Variants in BSDC1 observed in about 807,000 individuals in gnomAD.
BSDC1 encodes the protein BSD domain-containing protein 1.
A neutral mutation model predicts 56.0 loss-of-function variants in BSDC1; 29 were observed. That is an observed-to-expected ratio of 0.52 (90% CI 0.39 to 0.71). The LOEUF (loss-of-function observed/expected upper bound fraction) is 0.71. BSDC1 is among the 30% of genes least tolerant of loss of function. The pLI is 0.00. For synonymous variants in BSDC1, 210 were observed against 215.3 expected (o/e 0.98, Z 0.21); for missense variants, 477 against 548.5 (o/e 0.87, Z 1.30).
rs1642275832 is a variant in BSDC1, at chr1:32,376,247, G to C, written c.1156+15C>G. ...GACCGCACACAACCCTCTGGGCTTG[G>C]ACCTCCAGACCTACCTTTCTTTCCA... On this transcript the variant is annotated intron_variant, in intron 9 of 10. Transcript: ENST00000455895. 1 of 1,465,918 alleles carries C rather than the reference G, an allele frequency of 6.8e-7. No individual in the cohort carries two copies. The allele number at this position is 1,465,918 out of a possible 1,614,324, so 90.8% of individuals were successfully genotyped here. A position where few individuals can be genotyped will look rare whatever the true frequency, so the allele number is the denominator to read the frequency against.
intron 2 of BSDC1, among the ~76,000 whole-genome samples, chr1:32,388,098 C>T (rs554431897): frequency 6.6e-6 from 1 of 152,226 alleles, no homozygotes; most frequent in Non-Finnish European, 1.5e-5. Context: ...CTCTAGGATG[C>T]TTCCTGGAGT....
intron 4 of BSDC1, among the ~76,000 whole-genome samples, chr1:32,381,656 C>T (rs145465377): frequency 2.0e-4 from 30 of 152,298 alleles, no homozygotes; most frequent in South Asian, 8.3e-4. Context: ...ATTAAAACCA[C>T]TCAAGAATTT....
At chr1:32,368,369 C>T in intron 10 of BSDC1, 78 bp downstream of exon 10, 1 of 1,614,152 alleles carries the variant, frequency 6.2e-7, no homozygotes, top group Non-Finnish European at 8.5e-7. Flanking sequence ...CCTGAGGGGA[C>T]AGCTGGGCTG....
rs746534562 is a variant in BSDC1, at chr1:32,366,645, C to T, written c.1270G>A (p.Val424Ile). ...CCTCACTCCCAGTCCTCCCACTCTACATCTTCCAGCTGCAAATGGGAGGGG... is the reference window on the plus strand; with the variant it reads ...CCTCACTCCCAGTCCTCCCACTCTATATCTTCCAGCTGCAAATGGGAGGGG... ...KVDASGELED[V>I]EWEDWE The change falls in exon 11 of 11, where the codon GTA becomes ATA. Residue 424 changes from valine (V) to isoleucine (I), a missense_variant. Physicochemically the swap from Val to Ile is conservative, Grantham distance 29. Coordinates refer to ENST00000455895, the MANE Select transcript of BSDC1 (RefSeq NM_018045.8). 167 of 1,469,710 alleles carry T rather than the reference C, an allele frequency of 1.1e-4. No individual in the cohort carries two copies. The highest frequency in any genetic ancestry group is 1.4e-4 in the Non-Finnish European group (155 of 1,107,210). 91.0% of individuals were successfully genotyped at this position (1,469,710 alleles called of 1,614,324 possible).
intron 9 of BSDC1, among the ~76,000 whole-genome samples, chr1:32,370,258 G>A (rs1450844746): frequency 2.0e-5 from 3 of 152,176 alleles, no homozygotes; most frequent in Non-Finnish European, 4.4e-5. Context: ...GATTATAGGC[G>A]TGAGCCACTG....
In BSDC1 at chr1:32,394,309, C is replaced by A. The variant is rs530299495; in HGVS notation, c.11+95G>T. 20 of 1,597,436 alleles carry A rather than the reference C, an allele frequency of 1.3e-5. No individual in the cohort carries two copies. The East Asian group carries it at 4.2e-4, about 34-fold the overall frequency. On this transcript the variant is annotated intron_variant, in intron 1 of 10. Coordinates refer to ENST00000455895, the MANE Select transcript of BSDC1 (RefSeq NM_018045.8). ...GCCCTTTCAGATCAGTCCACGCCCC[C>A]GCTGATCTCACGTTCCCCACCGGGA...
chr1:32,370,894 C>T (rs563374589), intron 9 of BSDC1, among the ~76,000 whole-genome samples: 7 of 150,410 alleles, frequency 4.7e-5, no homozygotes, highest in African/African-American at 7.3e-5. Flanking sequence ...GCTGCAAGAG[C>T]GGAGATGAGT....
In BSDC1 at chr1:32,376,605, T is replaced by C; in HGVS notation, c.813A>G (p.Pro271=). 6.7e-7 allele frequency: 1 copy of C among 1,483,876 alleles called. No homozygotes were observed. Among genetic ancestry groups the C allele is most frequent in the Non-Finnish European group, 9.0e-7 (1 of 1,105,936 alleles). The allele number at this position is 1,483,876 out of a possible 1,614,324, so 91.9% of individuals were successfully genotyped here. ...EENLVTSVEP[P]AEVTPSESSE... ...TGCTCTCTGATGGAGTCACCTCTGC[T>C]GGGGGCTCAACTGAAGTCACCAGAT... Residue 271 remains proline, a synonymous_variant, in exon 9 of 11, where the codon CCA becomes CCG. Transcript: ENST00000455895.
intron 2 of BSDC1, among the ~76,000 whole-genome samples, chr1:32,388,352 C>T (rs928798159): frequency 2.6e-5 from 4 of 152,260 alleles, no homozygotes; most frequent in South Asian, 2.1e-4. Flanking sequence ...AGGTCATTTA[C>T]TTATTTACTT....
In BSDC1 at chr1:32,376,713, A is replaced by G; in HGVS notation, c.705T>C (p.Ser235=). The change falls in exon 9 of 11, where the codon TCT becomes TCC. Residue 235 remains serine (S), a synonymous_variant. Coordinates refer to ENST00000455895, the MANE Select transcript of BSDC1 (RefSeq NM_018045.8). ...EEELMGISPI[S]PKEAKVPVAK... ...CCACAGGAACCTTTGCCTCTTTTGG[A>G]GATATGGGTGAAATGCCCATGAGCT... 1 of 1,418,758 alleles carries G rather than the reference A, an allele frequency of 7.0e-7. No individual in the cohort carries two copies. Among genetic ancestry groups the G allele is most frequent in the Non-Finnish European group, 9.3e-7 (1 of 1,075,194 alleles). 87.9% of individuals were successfully genotyped at this position (1,418,758 alleles called of 1,614,324 possible).
At chr1:32,381,895 T>C (rs923410894) in intron 4 of BSDC1, among the ~76,000 whole-genome samples, 2 of 152,210 alleles carry the variant, frequency 1.3e-5, no homozygotes, top group Admixed American at 1.3e-4. Flanking sequence ...ATGCTAGTGC[T>C]AAAACACATA....
At chr1:32,371,973 C>G (rs997433425) in intron 9 of BSDC1, among the ~76,000 whole-genome samples, 29 of 152,256 alleles carry the variant, frequency 1.9e-4, no homozygotes, top group Non-Finnish European at 2.5e-4. Context: ...TGCCCACCCC[C>G]AGTCCCAACT....
chr1:32,386,960 G>A (rs1642694284), intron 2 of BSDC1, 65 bp from the exon 3 acceptor site: 3 of 1,302,766 alleles, frequency 2.3e-6, no homozygotes, highest in Non-Finnish European at 3.3e-6. Context: ...CCTGTTCCCT[G>A]TGTTTCTTCA....
chr1:32,370,397 CTTTTG>C (rs1399919559), intron 9 of BSDC1, among the ~76,000 whole-genome samples: 1 of 152,106 alleles, frequency 6.6e-6, no homozygotes, highest in African/African-American at 2.4e-5. Flanking sequence ...GTGCCAGGAT[CTTTTG>C]TTTTGTTCTC....
chr1:32,367,723 C>T, intron 10 of BSDC1: 5 of 971,976 alleles, frequency 5.1e-6, no homozygotes, highest in Non-Finnish European at 6.1e-6. Flanking sequence ...ACTAAGGCCT[C>T]CTTGAGCTTA....
At chr1:32,374,026 C>A (rs1252836360) in intron 9 of BSDC1, among the ~76,000 whole-genome samples, 1 of 152,174 alleles carries the variant, frequency 6.6e-6, no homozygotes, top group African/African-American at 2.4e-5. Flanking sequence ...TTACACCTGT[C>A]AGGCCCACCA....
chr1:32,394,256 C>G (rs1454770215), intron 1 of BSDC1, 116 bp from the exon 2 acceptor site: 1 of 1,553,360 alleles, frequency 6.4e-7, no homozygotes, highest in African/African-American at 1.4e-5. Context: ...GACCGCTTGC[C>G]CACCCCCTCA....
chr1:32,378,059 G>A lies in BSDC1; in HGVS notation c.598-11C>T. 1 of 1,604,652 alleles carries A rather than the reference G, an allele frequency of 6.2e-7. No homozygotes were observed. Among genetic ancestry groups the A allele is most frequent in the Non-Finnish European group, 8.5e-7 (1 of 1,174,660 alleles). On this transcript the variant is annotated splice_polypyrimidine_tract_variant and intron_variant, in intron 7 of 10. Coordinates refer to ENST00000455895, the MANE Select transcript of BSDC1 (RefSeq NM_018045.8). The surrounding 1 kb of genome is among the most constrained non-coding windows in gnomAD (Gnocchi z 5.2). ...CCTCCGGGCCTGCTCCTGAATGTGG[G>A]GGAGCAGAAGGCCACAGGCAGTCAG...
chr1:32,393,939 G>GGAA, intron 2 of BSDC1, 141 bp downstream of exon 2: 1 of 723,920 alleles, frequency 1.4e-6, no homozygotes. Flanking sequence ...CCGTGGACCG[G>GGAA]TAGAGGCTAA....
Sources: allele counts gnomAD v4.1 joint callset (sites outside exome capture counted in the v4.1 genomes callset), GRCh38; gene constraint gnomAD v4.1.1; non-coding constraint Gnocchi (gnomAD v3.1); transcripts MANE v1.5; gene names NCBI Gene and HGNC (gene_info 2026-07-23, HGNC 2026-07-21).